Variants in IL1RAPL2 observed in about 807,000 individuals in gnomAD.
IL1RAPL2 encodes the protein X-linked interleukin-1 receptor accessory protein-like 2.
IL1RAPL2 carries 3 observed loss-of-function variants against 44.1 expected under a neutral mutation model. That is an observed-to-expected ratio of 0.07 (90% CI 0.03 to 0.18). The LOEUF is 0.18. Ranked by LOEUF, IL1RAPL2 falls within the 10% of genes least tolerant of loss-of-function variation. The pLI, the probability that IL1RAPL2 is intolerant of heterozygous loss-of-function variation, is 1.00. For synonymous variants in IL1RAPL2, 181 were observed against 178.8 expected (o/e 1.01, Z -0.10); for missense variants, 391 against 496.4 (o/e 0.79, Z 2.02).
chrX:104,575,312 G>T (rs1928224458), intron 1 of IL1RAPL2, among the ~76,000 whole-genome samples: 2 of 111,001 alleles, frequency 1.8e-5, no homozygotes, highest in Non-Finnish European at 3.8e-5. Context: ...ATATGTAAAG[G>T]TTTATATTAG....
chrX:104,883,536 C>G (rs772209937), intron 2 of IL1RAPL2, among the ~76,000 whole-genome samples: 53 of 111,518 alleles, frequency 4.8e-4, no homozygotes, highest in Non-Finnish European at 8.7e-4. Flanking sequence ...ACTCGCCCAT[C>G]TATTCTATCT....
intron 5 of IL1RAPL2, among the ~76,000 whole-genome samples, chrX:105,407,602 G>T (rs186352157): frequency 9.0e-6 from 1 of 111,361 alleles, no homozygotes; most frequent in East Asian, 2.8e-4. Flanking sequence ...GACTCCCTAA[G>T]ACTCTTTTCA....
chrX:105,179,549 G>A lies in IL1RAPL2; in HGVS notation c.83-15926G>A, dbSNP rs782425113. 1.5e-4 allele frequency among the ~76,000 whole-genome samples: 17 copies of A among 111,702 alleles called. No homozygotes were observed. The East Asian group carries it at 4.8e-3, about 31-fold the overall frequency. ...AAGAATGATGTCAGTATTTTGATAA[G>A]GATTATATTGAATCTGTAGATTGCT... On this transcript the variant is annotated intron_variant, in intron 2 of 10. Transcript: ENST00000372582.
chrX:104,835,614 A>G (rs187343558), intron 2 of IL1RAPL2, among the ~76,000 whole-genome samples: 1 of 111,851 alleles, frequency 8.9e-6, no homozygotes, highest in African/African-American at 3.2e-5. Context: ...AGCTAAGCAT[A>G]CTAACAAAAT....
At chrX:105,082,788 A>T (rs898284713) in intron 2 of IL1RAPL2, among the ~76,000 whole-genome samples, 1 of 111,829 alleles carries the variant, frequency 8.9e-6, no homozygotes, top group Non-Finnish European at 1.9e-5. Context: ...CAGAGACCCC[A>T]TCCGAAGGTC....
At chrX:104,968,914 C>T (rs1199723132) in intron 2 of IL1RAPL2, among the ~76,000 whole-genome samples, 1 of 109,325 alleles carries the variant, frequency 9.1e-6, no homozygotes, top group Non-Finnish European at 1.9e-5. Context: ...GTTCTCTCCA[C>T]TTAATCTATA....
chrX:105,683,526 T>A (rs957012522), intron 6 of IL1RAPL2, among the ~76,000 whole-genome samples: 1 of 95,070 alleles, frequency 1.1e-5, no homozygotes, highest in African/African-American at 4.5e-5. Context: ...ATTTCCAATA[T>A]AGTAAGTATC....
At chrX:104,788,645 G>A (rs746485496) in intron 2 of IL1RAPL2, among the ~76,000 whole-genome samples, 1 of 111,375 alleles carries the variant, frequency 9.0e-6, no homozygotes, top group East Asian at 2.8e-4. Flanking sequence ...CTGATATATC[G>A]AATCATTTTG....
At chrX:105,409,889 G>T (rs1233483294) in intron 5 of IL1RAPL2, among the ~76,000 whole-genome samples, 2 of 91,803 alleles carry the variant, frequency 2.2e-5, no homozygotes, top group East Asian at 7.1e-4. Context: ...GTGGGGGGGG[G>T]GTTGGAAAAC....
At chrX:104,599,751 C>T (rs1928840350) in intron 1 of IL1RAPL2, among the ~76,000 whole-genome samples, 1 of 108,529 alleles carries the variant, frequency 9.2e-6, no homozygotes, top group African/African-American at 3.4e-5. Flanking sequence ...AAAATGAAAA[C>T]CCATTTATTC....
chrX:104,620,919 A>C (rs1452846208), intron 1 of IL1RAPL2, among the ~76,000 whole-genome samples: 1 of 104,691 alleles, frequency 9.6e-6, no homozygotes, highest in African/African-American at 3.5e-5. Flanking sequence ...ATAATATATA[A>C]ATTCTATAAT....
chrX:105,057,941 C>G (rs1225991336), intron 2 of IL1RAPL2, among the ~76,000 whole-genome samples: 3 of 98,255 alleles, frequency 3.1e-5, no homozygotes, highest in South Asian at 4.9e-4. Context: ...GCCACCACAC[C>G]CAGCTAATTT....
intron 2 of IL1RAPL2, among the ~76,000 whole-genome samples, chrX:104,968,995 G>GTA (rs2030182037): frequency 9.4e-6 from 1 of 106,124 alleles, no homozygotes; most frequent in Non-Finnish European, 1.9e-5. Context: ...GTGTGTGTGT[G>GTA]TGTGTGTGTG....
chrX:105,679,102 G>A (rs1227856236), intron 6 of IL1RAPL2, among the ~76,000 whole-genome samples: 2 of 106,721 alleles, frequency 1.9e-5, no homozygotes, highest in Non-Finnish European at 3.9e-5. Flanking sequence ...TAATCCCCTA[G>A]ACTTGTTTGC....
chrX:105,751,942 C>T (rs1446316092), intron 9 of IL1RAPL2, among the ~76,000 whole-genome samples: 2 of 111,817 alleles, frequency 1.8e-5, no homozygotes, highest in Non-Finnish European at 3.8e-5. Context: ...TCTTCATGCT[C>T]TATGACAATA....
At chrX:105,032,147 A>G (rs1490292781) in intron 2 of IL1RAPL2, among the ~76,000 whole-genome samples, 3 of 110,792 alleles carry the variant, frequency 2.7e-5, no homozygotes, top group African/African-American at 6.6e-5. Flanking sequence ...CTAGCGGTCT[A>G]TCAATTTTGT....
At position 105,538,328 on chromosome X, in the gene IL1RAPL2, G is replaced by A. The variant is rs1057337771; in HGVS notation, c.772+53941G>A. Reference sequence around the variant, plus strand: ...TGGGATTACAGGCATGAGCCACTGCGCCCGGCCAATTTTCCCTTGTTTATT... The same window carrying A: ...TGGGATTACAGGCATGAGCCACTGCACCCGGCCAATTTTCCCTTGTTTATT... On this transcript the variant is annotated intron_variant, in intron 6 of 10. Coordinates refer to ENST00000372582, the MANE Select transcript of IL1RAPL2 (RefSeq NM_017416.2). 3.3e-4 allele frequency among the ~76,000 whole-genome samples: 36 copies of A among 109,929 alleles called. 1 individual carries two copies. In the Admixed American group the frequency reaches 3.3e-3, roughly 10 times the overall value.
chrX:105,142,619 TTC>T (rs1324359735), intron 2 of IL1RAPL2, among the ~76,000 whole-genome samples: 9 of 109,474 alleles, frequency 8.2e-5, no homozygotes, highest in African/African-American at 2.7e-4. Context: ...AGCTTTCACA[TTC>T]TTTTTTTTCT....
chrX:105,272,654 A>G (rs1194633293), intron 5 of IL1RAPL2, among the ~76,000 whole-genome samples: 1 of 112,633 alleles, frequency 8.9e-6, no homozygotes, highest in African/African-American at 3.2e-5. Context: ...CTAGATTACT[A>G]TTCAGCAATA....
Sources: allele counts gnomAD v4.1 joint callset (sites outside exome capture counted in the v4.1 genomes callset), GRCh38; gene constraint gnomAD v4.1.1; transcripts MANE v1.5; gene names NCBI Gene and HGNC (gene_info 2026-07-23, HGNC 2026-07-21).